The following LATS2 variants were observed in gnomAD, a reference collection of about 807,000 sequenced individuals.
LATS2 encodes serine/threonine-protein kinase LATS2.
A neutral mutation model predicts 76.0 loss-of-function variants in LATS2; 24 were observed. The ratio of observed to expected loss-of-function variants is 0.32; its 90% CI spans 0.23 to 0.44. The LOEUF (loss-of-function observed/expected upper bound fraction) is 0.44. Among genes scored for constraint, LATS2 ranks in the 20% least tolerant of loss-of-function variants. LATS2 has a pLI of 1.00. For synonymous variants in LATS2, 692 were observed against 635.4 expected (o/e 1.09, Z -1.34); for missense variants, 1,286 against 1,481.2 (o/e 0.87, Z 2.16).
chr13:21,001,554 G>T (rs960527326), intron 2 of LATS2, among the ~76,000 whole-genome samples: 1 of 152,150 alleles, frequency 6.6e-6, no homozygotes, highest in Non-Finnish European at 1.5e-5. Context: ...ACCATGGTTG[G>T]AGACAGATCC....
intron 2 of LATS2, among the ~76,000 whole-genome samples, chr13:21,026,539 TG>T (rs949958880): frequency 3.3e-4 from 50 of 152,234 alleles, no homozygotes; most frequent in African/African-American, 1.2e-3. Context: ...TTTAGTTTTT[TG>T]CTATTACAAA....
intron 1 of LATS2, among the ~76,000 whole-genome samples, chr13:21,051,242 C>T (rs1327742303): frequency 1.3e-5 from 2 of 152,156 alleles, no homozygotes; most frequent in Non-Finnish European, 2.9e-5. Context: ...ACCTGAACAC[C>T]CACACAAGGT....
At position 20,974,737 on chromosome 13, in the gene LATS2, G is replaced by C. The variant is rs1425876999; in HGVS notation, c.*133C>G. 2.1e-6 allele frequency: 2 copies of C among 962,860 alleles called. No homozygotes were observed. Among genetic ancestry groups the C allele is most frequent in the African/African-American group, 3.3e-5 (2 of 60,930 alleles). 59.6% of individuals were successfully genotyped at this position (962,860 alleles called of 1,614,324 possible). Reference sequence around the variant, plus strand: ...GTTTGGGTTTTCTTGGTGAAGAGCAGAATTTCAAGTGAAGTAATCGACGGA... The same window carrying C: ...GTTTGGGTTTTCTTGGTGAAGAGCACAATTTCAAGTGAAGTAATCGACGGA... On this transcript the variant is annotated 3_prime_UTR_variant, in exon 8 of 8. Transcript: ENST00000382592.
intron 2 of LATS2, among the ~76,000 whole-genome samples, chr13:21,012,711 G>A (rs1373098834): frequency 6.6e-6 from 1 of 152,098 alleles, no homozygotes; most frequent in Non-Finnish European, 1.5e-5. Context: ...AGCAGAAAGA[G>A]AGGAAGATGG....
rs113977480 is a variant in LATS2 at position 20,987,736 on chromosome 13, T to A, written c.1899+145A>T. 25 of 878,534 alleles carry A rather than the reference T, an allele frequency of 2.8e-5. No individual in the cohort carries two copies. The African/African-American group carries it at 3.4e-4, about 12-fold the overall frequency. 54.4% of individuals were successfully genotyped at this position (878,534 alleles called of 1,614,324 possible). A position where few individuals can be genotyped will look rare whatever the true frequency, so the allele number is the denominator to read the frequency against. ...CACCATTTGCAACTTCTCCAAGTTGTTGGCCCCAGAACCAGACTGTCGCCC... is the reference window on the plus strand; with the variant it reads ...CACCATTTGCAACTTCTCCAAGTTGATGGCCCCAGAACCAGACTGTCGCCC... On this transcript the variant is annotated intron_variant, in intron 4 of 7. Transcript: ENST00000382592.
chr13:21,012,011 A>C (rs568916044), intron 2 of LATS2, among the ~76,000 whole-genome samples: 1 of 152,390 alleles, frequency 6.6e-6, no homozygotes, highest in South Asian at 2.1e-4. Flanking sequence ...AACTCCACAC[A>C]GTGGCCCTGG....
chr13:21,024,456 T>C (rs1189410786), intron 2 of LATS2, among the ~76,000 whole-genome samples: 1 of 151,996 alleles, frequency 6.6e-6, no homozygotes, highest in Non-Finnish European at 1.5e-5. Flanking sequence ...TAAATGATAA[T>C]AAATAATATA....
intron 2 of LATS2, among the ~76,000 whole-genome samples, chr13:21,008,859 T>C (rs1001537453): frequency 6.6e-5 from 10 of 152,060 alleles, no homozygotes; most frequent in Non-Finnish European, 5.9e-5. Flanking sequence ...TTCCCCACCT[T>C]TGCAAGAGGA....
At chr13:21,008,158 G>C (rs1170531418) in intron 2 of LATS2, among the ~76,000 whole-genome samples, 4 of 151,942 alleles carry the variant, frequency 2.6e-5, no homozygotes, top group African/African-American at 9.7e-5. Flanking sequence ...GGATGGCACA[G>C]AGGCGCAGTG....
Position 20,974,716 on chromosome 13 carries a change from G to C in LATS2, c.*154C>G, listed in dbSNP as rs1869509299. On this transcript the variant is annotated 3_prime_UTR_variant, in exon 8 of 8. Coordinates refer to ENST00000382592, the MANE Select transcript of LATS2 (RefSeq NM_014572.3). ...TCCTGTTTTCAAAAGTGTCCTGTTTGGGTTTTCTTGGTGAAGAGCAGAATT... is the reference window on the plus strand; with the variant it reads ...TCCTGTTTTCAAAAGTGTCCTGTTTCGGTTTTCTTGGTGAAGAGCAGAATT... 1.3e-6 allele frequency: 1 copy of C among 747,442 alleles called. No homozygotes were observed. The allele number at this position is 747,442 out of a possible 1,614,324, so 46.3% of individuals were successfully genotyped here. A position where few individuals can be genotyped will look rare whatever the true frequency, so the allele number is the denominator to read the frequency against.
At chr13:21,013,702 G>A (rs1050912860) in intron 2 of LATS2, among the ~76,000 whole-genome samples, 1 of 152,118 alleles carries the variant, frequency 6.6e-6, no homozygotes, top group African/African-American at 2.4e-5. Context: ...GCAGCGGCTC[G>A]AGCCTGCAAT....
intron 4 of LATS2, 66 bp from the exon 5 acceptor site, chr13:20,983,872 G>A (rs1185183502): frequency 4.6e-6 from 6 of 1,293,166 alleles, no homozygotes; most frequent in Middle Eastern, 1.9e-4. Context: ...CAAATGACTG[G>A]GATGGGGATG....
In LATS2 at chr13:20,982,670, C is replaced by A. The variant is rs571394687; in HGVS notation, c.2482+554G>T. Among the ~76,000 whole-genome samples the A allele has an allele frequency of 1.2e-3, 182 of 152,142 alleles. 1 individual carries two copies. The highest frequency in any genetic ancestry group is 2.1e-3 in the Non-Finnish European group (146 of 67,994). On this transcript the variant is annotated intron_variant, in intron 5 of 7. Transcript: ENST00000382592. The stretch of plus-strand genomic sequence containing the variant: ...GCAGGTGATGGTTCCCCACAAAGGC[C>A]CCGTGACACCTTGTAGCCTACTGTC...
At chr13:21,045,662 G>GCCCT (rs770812427) in intron 2 of LATS2, 23 bp downstream of exon 2, 14 of 1,579,236 alleles carry the variant, frequency 8.9e-6, no homozygotes, top group Non-Finnish European at 9.5e-6. Context: ...TCTGCACATG[G>GCCCT]CCCTGCAGAG....
In LATS2 at chr13:21,045,725, C is replaced by T. The variant is rs1235573411; in HGVS notation, c.302G>A (p.Arg101Gln). The T allele has an allele frequency of 7.4e-6, 12 of 1,614,070 alleles. No individual in the cohort carries two copies. Among genetic ancestry groups the T allele is most frequent in the Middle Eastern group, 1.6e-4 (1 of 6,076 alleles). The change falls in exon 2 of 8, where the codon CGG (arginine) becomes CAG (glutamine). Residue 101 changes from arginine to glutamine, a missense_variant. By Grantham distance (43) the Arg-to-Gln change is conservative (BLOSUM62 1). Coordinates refer to ENST00000382592, the MANE Select transcript of LATS2 (RefSeq NM_014572.3). ...SGTSAAAEVN[R>Q]QMLQELVNAG... ...GTTCACCAGTTCCTGCAGCATTTGCCGGTTCACTTCTGCAGCTGCAGAGGT... is the reference window on the plus strand; with the variant it reads ...GTTCACCAGTTCCTGCAGCATTTGCTGGTTCACTTCTGCAGCTGCAGAGGT...
intron 7 of LATS2, among the ~76,000 whole-genome samples, chr13:20,978,634 T>C (rs1869735011): frequency 6.6e-6 from 1 of 152,162 alleles, no homozygotes; most frequent in Non-Finnish European, 1.5e-5. Flanking sequence ...CTTCCACCTT[T>C]GCCATCCCTG....
chr13:20,990,837 C>T (rs1870476220), intron 3 of LATS2, among the ~76,000 whole-genome samples: 1 of 152,206 alleles, frequency 6.6e-6, no homozygotes, highest in Non-Finnish European at 1.5e-5. Context: ...GCCATTGAAC[C>T]CCCACTCTCA....
At chr13:21,047,605 T>C (rs1309507922) in intron 1 of LATS2, among the ~76,000 whole-genome samples, 1 of 151,914 alleles carries the variant, frequency 6.6e-6, no homozygotes, top group Admixed American at 6.6e-5. Flanking sequence ...GAGTACCCTC[T>C]AAACGGGGAT....
intron 1 of LATS2, among the ~76,000 whole-genome samples, chr13:21,054,563 C>T (rs1444398483): frequency 2.6e-5 from 4 of 152,176 alleles, no homozygotes; most frequent in East Asian, 1.9e-4. Flanking sequence ...CTCCACCACA[C>T]GGACACTGAC....
Sources: gnomAD v4.1 joint callset for allele counts (sites outside exome capture counted in the v4.1 genomes callset) on GRCh38, gnomAD v4.1.1 for gene constraint, MANE v1.5 for transcripts, NCBI Gene and HGNC (gene_info 2026-07-23, HGNC 2026-07-21) for gene names.